QTMAN: variants seen among roughly 807,000 people sequenced by gnomAD.
QTMAN encodes queuosine-tRNA mannosyltransferase.
At chr2:144,096,846 A>C in the QTMAN span, among the ~76,000 whole-genome samples, 1 of 152,234 alleles carries the variant, frequency 6.6e-6, no homozygotes, top group Non-Finnish European at 1.5e-5. Flanking sequence ...TGCACATTTC[A>C]GTTTAAAACA....
chr2:144,227,218 T>C, the QTMAN span, among the ~76,000 whole-genome samples: 3 of 152,176 alleles, frequency 2.0e-5, no homozygotes, highest in African/African-American at 7.2e-5. Flanking sequence ...GATTGCCTAT[T>C]TCTTTAAAAA....
chr2:144,281,349 T>TA, the QTMAN span, among the ~76,000 whole-genome samples: 1 of 109,928 alleles, frequency 9.1e-6, no homozygotes, highest in African/African-American at 3.6e-5. Flanking sequence ...ATTCACAAGA[T>TA]ATACAAAATA....
At chr2:144,139,294 TATATTC>T in the QTMAN span, among the ~76,000 whole-genome samples, 1 of 152,110 alleles carries the variant, frequency 6.6e-6, no homozygotes, top group African/African-American at 2.4e-5. Flanking sequence ...GATAGTCCTC[TATATTC>T]AGATGCCAAT....
chr2:143,983,485 T>TA, the QTMAN span, among the ~76,000 whole-genome samples: 21 of 146,610 alleles, frequency 1.4e-4, no homozygotes, highest in Non-Finnish European at 2.7e-4. Flanking sequence ...TTTTTTTTTT[T>TA]TTTTTGAGAT....
chr2:144,048,819 TAC>T, the QTMAN span, among the ~76,000 whole-genome samples: 546 of 147,942 alleles, frequency 3.7e-3, 1 homozygote, highest in Middle Eastern at 7.1e-3. Flanking sequence ...CACACATGCA[TAC>T]ACACACACAC....
the QTMAN span, among the ~76,000 whole-genome samples, chr2:144,008,727 T>C: frequency 6.6e-6 from 1 of 152,112 alleles, no homozygotes; most frequent in South Asian, 2.1e-4. Flanking sequence ...AAGAGAGTAA[T>C]ATCACATTAT....
chr2:143,982,785 T>TG, the QTMAN span, among the ~76,000 whole-genome samples: 2 of 141,004 alleles, frequency 1.4e-5, no homozygotes, highest in Non-Finnish European at 3.0e-5. Flanking sequence ...CTCCGTGTGG[T>TG]GGAGGTTGCA....
chr2:144,113,749 C>T, the QTMAN span, among the ~76,000 whole-genome samples: 2 of 152,206 alleles, frequency 1.3e-5, no homozygotes, highest in Non-Finnish European at 2.9e-5. Flanking sequence ...ACAGTTTGAA[C>T]AGTGGATTTC....
At chr2:144,274,355 G>A in the QTMAN span, among the ~76,000 whole-genome samples, 1 of 152,148 alleles carries the variant, frequency 6.6e-6, no homozygotes, top group African/African-American at 2.4e-5. Context: ...TGTGATAGGA[G>A]CATCTATTGT....
chr2:144,168,226 A>G, the QTMAN span, among the ~76,000 whole-genome samples: 1 of 152,166 alleles, frequency 6.6e-6, no homozygotes, highest in Non-Finnish European at 1.5e-5. Context: ...TTCATCATCT[A>G]AACTGATGGA....
At chr2:144,293,418 T>C in the QTMAN span, among the ~76,000 whole-genome samples, 1 of 152,228 alleles carries the variant, frequency 6.6e-6, no homozygotes, top group Admixed American at 6.5e-5. Context: ...TATATGCTTA[T>C]ACTCTCATGT....
chr2:144,065,742 C>A, the QTMAN span, among the ~76,000 whole-genome samples: 1 of 150,440 alleles, frequency 6.6e-6, no homozygotes, highest in Non-Finnish European at 1.5e-5. Flanking sequence ...ATGTCTCTGA[C>A]ATTGGGTAAA....
At chr2:144,222,250 G>C in the QTMAN span, among the ~76,000 whole-genome samples, 1 of 151,154 alleles carries the variant, frequency 6.6e-6, no homozygotes, top group South Asian at 2.1e-4. Flanking sequence ...TAGTAGAGAC[G>C]AGGTTTCACC....
the QTMAN span, among the ~76,000 whole-genome samples, chr2:144,286,682 T>C: frequency 6.6e-6 from 1 of 152,190 alleles, no homozygotes; most frequent in African/African-American, 2.4e-5. Flanking sequence ...GATGTGCAGT[T>C]ACCAGTGTTC....
At chr2:144,203,150 AGTGTGTGT>A in the QTMAN span, among the ~76,000 whole-genome samples, 4,856 of 145,606 alleles carry the variant, frequency 0.033, 211 homozygotes, top group African/African-American at 0.099. Flanking sequence ...TACAATGAAG[AGTGTGTGT>A]GTGTGTGTGT....
At chr2:144,018,256 T>C in the QTMAN span, among the ~76,000 whole-genome samples, 3 of 152,172 alleles carry the variant, frequency 2.0e-5, no homozygotes, top group Non-Finnish European at 4.4e-5. Flanking sequence ...CTTTTTTTCT[T>C]TTTCATTTGC....
At chr2:144,286,666 T>C in the QTMAN span, among the ~76,000 whole-genome samples, 1 of 152,202 alleles carries the variant, frequency 6.6e-6, no homozygotes, top group South Asian at 2.1e-4. Context: ...AAGACACTTG[T>C]GGAAAGATGT....
At chr2:144,141,473 C>G in the QTMAN span, among the ~76,000 whole-genome samples, 1 of 148,292 alleles carries the variant, frequency 6.7e-6, no homozygotes, top group Non-Finnish European at 1.5e-5. Flanking sequence ...TGAACTAATC[C>G]AAGCAGTGAG....
the QTMAN span, among the ~76,000 whole-genome samples, chr2:144,196,384 T>C: frequency 6.6e-6 from 1 of 152,082 alleles, no homozygotes; most frequent in Non-Finnish European, 1.5e-5. Flanking sequence ...TTTATAAAAA[T>C]CTTGGAACCA....
Sources: allele counts gnomAD v4.1 joint callset (sites outside exome capture counted in the v4.1 genomes callset), GRCh38; gene constraint gnomAD v4.1.1; transcripts MANE v1.5; gene names NCBI Gene and HGNC (gene_info 2026-07-23, HGNC 2026-07-21).